FMNL2: variants seen among roughly 807,000 people sequenced by gnomAD.
The protein encoded by FMNL2 is formin like 2.
Under a neutral mutation model 130.2 loss-of-function variants are expected in FMNL2, and 51 were observed. That is an observed-to-expected ratio of 0.39 (90% CI 0.31 to 0.49). The LOEUF (loss-of-function observed/expected upper bound fraction) is 0.49, where lower values mean the gene tolerates loss of function less well. FMNL2 is among the 20% of genes least tolerant of loss of function. FMNL2 has a pLI of 0.85. For missense variants in FMNL2, 977 were observed against 1,316.2 expected (o/e 0.74, Z 3.99); for synonymous variants, 465 against 467.1 (o/e 1.00, Z 0.06).
intron 25 of FMNL2, among the ~76,000 whole-genome samples, chr2:152,641,355 C>CTG (rs1295418981): frequency 6.6e-6 from 1 of 152,232 alleles, no homozygotes; most frequent in Non-Finnish European, 1.5e-5. Context: ...AGCCAACAGG[C>CTG]TTCCAGCCCA....
chr2:152,437,651 A>T (rs904507756), intron 1 of FMNL2, among the ~76,000 whole-genome samples: 1 of 152,104 alleles, frequency 6.6e-6, no homozygotes, highest in Non-Finnish European at 1.5e-5. Context: ...TTTACAGTCT[A>T]TCGGTTTGTG....
intron 25 of FMNL2, among the ~76,000 whole-genome samples, chr2:152,646,379 T>A (rs940327172): frequency 6.7e-6 from 1 of 149,084 alleles, no homozygotes; most frequent in African/African-American, 2.5e-5. Context: ...GTCACACAAA[T>A]TCCAATGAGT....
chr2:152,435,440 C>G (rs1687700479), intron 1 of FMNL2, among the ~76,000 whole-genome samples: 1 of 152,060 alleles, frequency 6.6e-6, no homozygotes, highest in Non-Finnish European at 1.5e-5. Context: ...GTATCTTTTT[C>G]TTCTGTCACT....
intron 1 of FMNL2, among the ~76,000 whole-genome samples, chr2:152,502,251 A>C (rs1691883360): frequency 6.6e-6 from 1 of 152,240 alleles, no homozygotes; most frequent in Non-Finnish European, 1.5e-5. Context: ...GGAAACCTTA[A>C]TGGTGAAAGC....
intron 1 of FMNL2, among the ~76,000 whole-genome samples, chr2:152,469,471 T>A (rs1689736070): frequency 6.6e-6 from 1 of 152,210 alleles, no homozygotes; most frequent in Non-Finnish European, 1.5e-5. Flanking sequence ...CCTAAATGTT[T>A]GTTTGCACCC....
intron 1 of FMNL2, among the ~76,000 whole-genome samples, chr2:152,366,474 C>CCAACAA (rs75952772): frequency 6.4e-5 from 9 of 140,754 alleles, no homozygotes; most frequent in Non-Finnish European, 1.4e-4. Context: ...AAAATGTTTG[C>CCAACAA]CAACAACAAC....
intron 1 of FMNL2, among the ~76,000 whole-genome samples, chr2:152,347,308 C>T (rs996297584): frequency 1.3e-5 from 2 of 152,120 alleles, no homozygotes; most frequent in Non-Finnish European, 2.9e-5. Context: ...GGTCTGACTC[C>T]AAGTGACTCT....
At chr2:152,364,829 G>T (rs1175674308) in intron 1 of FMNL2, among the ~76,000 whole-genome samples, 1 of 152,192 alleles carries the variant, frequency 6.6e-6, no homozygotes, top group Non-Finnish European at 1.5e-5. Context: ...AGTGAAATTT[G>T]TTAATAAGTT....
At chr2:152,416,222 T>A (rs1686604492) in intron 1 of FMNL2, among the ~76,000 whole-genome samples, 1 of 152,182 alleles carries the variant, frequency 6.6e-6, no homozygotes, top group Non-Finnish European at 1.5e-5. Flanking sequence ...AGTCTTCTCA[T>A]CTTACCAGGA....
At chr2:152,542,526 T>C (rs1345559152) in intron 2 of FMNL2, among the ~76,000 whole-genome samples, 2 of 152,158 alleles carry the variant, frequency 1.3e-5, no homozygotes, top group African/African-American at 4.8e-5. Context: ...CAAAGAGAGT[T>C]CTGCATTTCT....
chr2:152,579,706 A>G (rs1374451989), intron 8 of FMNL2, among the ~76,000 whole-genome samples: 2 of 152,048 alleles, frequency 1.3e-5, no homozygotes, highest in Non-Finnish European at 1.5e-5. Context: ...TCAAAAAATA[A>G]AGAAAGAAAG....
chr2:152,537,458 G>A (rs573064980), intron 2 of FMNL2, among the ~76,000 whole-genome samples: 272 of 152,252 alleles, frequency 1.8e-3, no homozygotes, highest in Middle Eastern at 3.4e-3. Flanking sequence ...GGCATTAGAC[G>A]GCTTTAGATC....
chr2:152,406,708 G>A (rs1285762687), intron 1 of FMNL2, among the ~76,000 whole-genome samples: 3 of 152,140 alleles, frequency 2.0e-5, no homozygotes. Context: ...TGAGAGAATG[G>A]TTAAATTTAG....
chr2:152,386,395 G>T (rs1684781661), intron 1 of FMNL2, among the ~76,000 whole-genome samples: 1 of 152,176 alleles, frequency 6.6e-6, no homozygotes, highest in South Asian at 2.1e-4. Flanking sequence ...GTTGCCACTT[G>T]TCTTGTCATC....
intron 1 of FMNL2, among the ~76,000 whole-genome samples, chr2:152,348,709 C>G (rs949924641): frequency 6.8e-6 from 1 of 147,526 alleles, no homozygotes; most frequent in South Asian, 2.1e-4. Flanking sequence ...TTTATATTTT[C>G]TTTTTTGTTG....
chr2:152,403,964 A>G (rs1685844898), intron 1 of FMNL2, among the ~76,000 whole-genome samples: 1 of 152,180 alleles, frequency 6.6e-6, no homozygotes, highest in Admixed American at 6.5e-5. Context: ...GCTTCTTGGG[A>G]GGCTGAGGCA....
intron 1 of FMNL2, among the ~76,000 whole-genome samples, chr2:152,373,197 A>G (rs1334807507): frequency 6.6e-6 from 1 of 152,256 alleles, no homozygotes; most frequent in African/African-American, 2.4e-5. Flanking sequence ...ATGAAATATT[A>G]TGAGACTATT....
chr2:152,570,748 C>T lies in FMNL2; in HGVS notation c.597-4388C>T, dbSNP rs564378634. On this transcript the variant is annotated intron_variant, in intron 6 of 25. Transcript: ENST00000288670. The stretch of plus-strand genomic sequence containing the variant: ...GTTCCATCACCTTCTTAGACCTGTT[C>T]CCATCAACTTGAAAGTTACACTTCA... Among the ~76,000 whole-genome samples, 139 of 152,258 alleles carry T rather than the reference C, an allele frequency of 9.1e-4. 1 individual carries two copies. Among genetic ancestry groups the T allele is most frequent in the African/African-American group, 3.3e-3 (136 of 41,550 alleles).
At chr2:152,358,534 C>T (rs1220867556) in intron 1 of FMNL2, among the ~76,000 whole-genome samples, 1 of 151,980 alleles carries the variant, frequency 6.6e-6, no homozygotes, top group Non-Finnish European at 1.5e-5. Context: ...ACCTGTAGTC[C>T]CAGCTACTTG....
Sources: gnomAD v4.1 joint callset for allele counts (sites outside exome capture counted in the v4.1 genomes callset) on GRCh38, gnomAD v4.1.1 for gene constraint, MANE v1.5 for transcripts, NCBI Gene and HGNC (gene_info 2026-07-23, HGNC 2026-07-21) for gene names.